Variants in MMP16 observed in about 807,000 individuals in gnomAD.
The protein encoded by MMP16 is matrix metalloproteinase-16.
Under a neutral mutation model 67.8 loss-of-function variants are expected in MMP16, and 12 were observed. The ratio of observed to expected loss-of-function variants is 0.18; its 90% CI spans 0.11 to 0.29. The LOEUF is 0.29. Among genes scored for constraint, MMP16 ranks in the 10% least tolerant of loss-of-function variants. MMP16 has a pLI of 1.00. For missense variants in MMP16, 475 were observed against 765.7 expected (o/e 0.62, Z 4.48); for synonymous variants, 249 against 255.9 (o/e 0.97, Z 0.26).
At chr8:88,162,574 T>C (rs888249312) in intron 4 of MMP16, among the ~76,000 whole-genome samples, 5 of 152,034 alleles carry the variant, frequency 3.3e-5, no homozygotes, top group African/African-American at 9.7e-5. Context: ...ATTTAGACAG[T>C]ATTCCCACAG....
intron 4 of MMP16, 110 bp from the exon 5 acceptor site, chr8:88,118,971 T>C (rs1809483835): frequency 5.9e-6 from 6 of 1,014,194 alleles, no homozygotes; most frequent in South Asian, 4.6e-5. Flanking sequence ...GGAGGTACTC[T>C]TTCCTTCAAC....
chr8:88,102,969 TA>T (rs1240088443), intron 6 of MMP16, among the ~76,000 whole-genome samples: 1 of 151,858 alleles, frequency 6.6e-6, no homozygotes, highest in East Asian at 2.0e-4. Flanking sequence ...AAGTCATTCT[TA>T]GTCTATTCTG....
At chr8:88,236,586 T>C (rs1247889683) in intron 1 of MMP16, among the ~76,000 whole-genome samples, 1 of 151,958 alleles carries the variant, frequency 6.6e-6, no homozygotes, top group African/African-American at 2.4e-5. Flanking sequence ...CAAAACCTCG[T>C]CTCTACAAAA....
At chr8:88,263,344 T>C (rs575519830) in intron 1 of MMP16, among the ~76,000 whole-genome samples, 2 of 152,290 alleles carry the variant, frequency 1.3e-5, no homozygotes, top group South Asian at 2.1e-4. Context: ...ACAGTATATA[T>C]AAACTGTTCT....
intron 7 of MMP16, among the ~76,000 whole-genome samples, chr8:88,068,037 TGACA>T (rs1451936909): frequency 6.6e-6 from 1 of 152,178 alleles, no homozygotes; most frequent in Non-Finnish European, 1.5e-5. Context: ...TAGCAATATA[TGACA>T]GTTACAGTTC....
chr8:88,253,662 C>T (rs1391898131), intron 1 of MMP16, among the ~76,000 whole-genome samples: 3 of 151,430 alleles, frequency 2.0e-5, no homozygotes, highest in Non-Finnish European at 4.4e-5. Context: ...AAACACACAA[C>T]TATAATGTCA....
At chr8:88,227,359 A>G (rs1420173866) in intron 1 of MMP16, among the ~76,000 whole-genome samples, 1 of 152,116 alleles carries the variant, frequency 6.6e-6, no homozygotes, top group African/African-American at 2.4e-5. Context: ...GTCTGTGATT[A>G]AAAGGGACGA....
At position 88,154,848 on chromosome 8, in the gene MMP16, C is replaced by T. The variant is rs570768890; in HGVS notation, c.709+12821G>A. 2.1e-3 allele frequency among the ~76,000 whole-genome samples: 315 copies of T among 148,196 alleles called. 1 individual carries two copies. The highest frequency in any genetic ancestry group is 7.5e-3 in the African/African-American group (300 of 39,932). ...TAACCTGCACAATGTGCACATGTAC[C>T]CTAAAACTTAAAGTATAATACAAAA... On this transcript the variant is annotated intron_variant, in intron 4 of 9. Coordinates refer to ENST00000286614, the MANE Select transcript of MMP16 (RefSeq NM_005941.5).
intron 2 of MMP16, among the ~76,000 whole-genome samples, chr8:88,193,428 G>A (rs1809200790): frequency 6.6e-6 from 1 of 152,086 alleles, no homozygotes; most frequent in African/African-American, 2.4e-5. Flanking sequence ...ATGGTTACTA[G>A]AGGCTGGGAA....
chr8:88,178,066 T>C (rs1161979678), intron 3 of MMP16, among the ~76,000 whole-genome samples: 1 of 151,960 alleles, frequency 6.6e-6, no homozygotes, highest in Non-Finnish European at 1.5e-5. Context: ...AAATACAACC[T>C]AACCCCTAAC....
chr8:88,291,529 C>T lies in MMP16; in HGVS notation c.132+35546G>A, dbSNP rs115079204. On this transcript the variant is annotated intron_variant, in intron 1 of 9. Coordinates refer to ENST00000286614, the MANE Select transcript of MMP16 (RefSeq NM_005941.5). ...ACTTCAGTCTAATGATCATTGTTCA[C>T]TCTCTGCTTTCACTAGAAGTTAAAA... Among the ~76,000 whole-genome samples, 1,447 of 152,242 alleles carry T rather than the reference C, an allele frequency of 9.5e-3. 25 individuals carry two copies. Among genetic ancestry groups the T allele is most frequent in the African/African-American group, 0.032 (1,333 of 41,544 alleles).
chr8:88,268,528 G>T (rs750884384), intron 1 of MMP16, among the ~76,000 whole-genome samples: 5 of 152,044 alleles, frequency 3.3e-5, no homozygotes, highest in Admixed American at 2.0e-4. Flanking sequence ...ATCCTCAAAT[G>T]AAATCTTAGT....
chr8:88,112,821 AAGC>A (rs1377220148), intron 6 of MMP16, among the ~76,000 whole-genome samples: 2 of 151,810 alleles, frequency 1.3e-5, no homozygotes, highest in African/African-American at 4.8e-5. Context: ...CACAACCAAA[AAGC>A]ATTACGCTGA....
intron 1 of MMP16, among the ~76,000 whole-genome samples, chr8:88,210,939 C>G (rs561109204): frequency 1.3e-5 from 2 of 152,244 alleles, no homozygotes; most frequent in Admixed American, 1.3e-4. Context: ...ATTATCACAA[C>G]AAGCCTATGA....
At chr8:88,188,556 G>T (rs549036829) in intron 2 of MMP16, among the ~76,000 whole-genome samples, 1 of 152,148 alleles carries the variant, frequency 6.6e-6, no homozygotes, top group East Asian at 1.9e-4. Context: ...AATTACTTTA[G>T]TATGTATAAA....
Position 88,255,370 on chromosome 8 carries a change from T to C in MMP16, c.133-58064A>G, listed in dbSNP as rs181769903. ...GCAGATGCCAGCACCACACTTCCTGTACAACCTGCAGAACCATGAGCCAAA... is the reference window on the plus strand; with the variant it reads ...GCAGATGCCAGCACCACACTTCCTGCACAACCTGCAGAACCATGAGCCAAA... On this transcript the variant is annotated intron_variant, in intron 1 of 9. Coordinates refer to ENST00000286614, the MANE Select transcript of MMP16 (RefSeq NM_005941.5). Among the ~76,000 whole-genome samples the C allele has an allele frequency of 6.3e-4, 96 of 152,298 alleles. No homozygotes were observed. The East Asian group carries it at 9.8e-3, about 16-fold the overall frequency.
chr8:88,121,155 T>A (rs1026311498), intron 4 of MMP16, among the ~76,000 whole-genome samples: 42 of 150,312 alleles, frequency 2.8e-4, no homozygotes, highest in Non-Finnish European at 4.7e-4. Flanking sequence ...AAACAGGTCA[T>A]AACAGCCAAA....
chr8:88,248,546 G>T (rs1444298754), intron 1 of MMP16, among the ~76,000 whole-genome samples: 2 of 152,060 alleles, frequency 1.3e-5, no homozygotes, highest in Non-Finnish European at 2.9e-5. Flanking sequence ...ATTTCCATGA[G>T]CTCCCCTCCT....
At chr8:88,208,879 A>C (rs1809471221) in intron 1 of MMP16, among the ~76,000 whole-genome samples, 1 of 151,934 alleles carries the variant, frequency 6.6e-6, no homozygotes, top group South Asian at 2.1e-4. Flanking sequence ...AATGTACTCA[A>C]GATATGGATC....
Sources: gnomAD v4.1 joint callset for allele counts (sites outside exome capture counted in the v4.1 genomes callset) on GRCh38, gnomAD v4.1.1 for gene constraint, MANE v1.5 for transcripts, NCBI Gene and HGNC (gene_info 2026-07-23, HGNC 2026-07-21) for gene names.